SCAPER: variants seen among roughly 807,000 people sequenced by gnomAD.
The protein encoded by SCAPER is S-phase cyclin A associated protein in the ER, also known as S phase cyclin A-associated protein in the endoplasmic reticulum.
In SCAPER, 98 loss-of-function variants were observed where a neutral mutation model predicts 182.2. That is an observed-to-expected ratio of 0.54 (90% CI 0.46 to 0.64). SCAPER has a LOEUF of 0.64. Ranked by LOEUF, SCAPER falls within the 30% of genes least tolerant of loss-of-function variation. The pLI, the probability that SCAPER is intolerant of heterozygous loss-of-function variation, is 0.00. For synonymous variants in SCAPER, 605 were observed against 564.6 expected, an observed-to-expected ratio of 1.07 and a Z score of -1.01; for missense variants, 1,432 against 1,690.0, an observed-to-expected ratio of 0.85 and a Z score of 2.68.
At chr15:76,499,517 T>C (rs1428077732) in intron 24 of SCAPER, among the ~76,000 whole-genome samples, 1 of 152,208 alleles carries the variant, frequency 6.6e-6, no homozygotes, top group Non-Finnish European at 1.5e-5. Context: ...AAAGAATTCA[T>C]TCATATAGTC....
chr15:76,455,167 C>A (rs929662356), intron 25 of SCAPER, among the ~76,000 whole-genome samples: 3 of 152,128 alleles, frequency 2.0e-5, no homozygotes, highest in African/African-American at 7.2e-5. Context: ...GCATCCCAAA[C>A]ATTTTGATAT....
At chr15:76,699,856 T>C (rs1158066420) in intron 20 of SCAPER, among the ~76,000 whole-genome samples, 1 of 152,162 alleles carries the variant, frequency 6.6e-6, no homozygotes, top group Non-Finnish European at 1.5e-5. Flanking sequence ...GTGAACAGTA[T>C]TCGCACACTG....
intron 3 of SCAPER, among the ~76,000 whole-genome samples, chr15:76,858,171 G>A (rs1599141616): frequency 6.6e-6 from 1 of 152,098 alleles, no homozygotes. Context: ...CAGATACTCT[G>A]ACAACTTTTA....
chr15:76,441,589 C>T (rs2047604277), intron 25 of SCAPER, among the ~76,000 whole-genome samples: 2 of 152,144 alleles, frequency 1.3e-5, no homozygotes, highest in African/African-American at 4.8e-5. Context: ...GTCTCTTGCT[C>T]GCATTCTGGT....
intron 22 of SCAPER, among the ~76,000 whole-genome samples, chr15:76,612,890 A>G (rs2051128601): frequency 6.6e-6 from 1 of 152,202 alleles, no homozygotes; most frequent in Non-Finnish European, 1.5e-5. Context: ...TTAAACTACC[A>G]TTGATATTCT....
chr15:76,393,756 G>A (rs1020205034), intron 27 of SCAPER, among the ~76,000 whole-genome samples: 1 of 152,206 alleles, frequency 6.6e-6, no homozygotes, highest in Admixed American at 6.5e-5. Flanking sequence ...AGTCATAAAA[G>A]GTGATATGGT....
intron 24 of SCAPER, among the ~76,000 whole-genome samples, chr15:76,495,347 G>C (rs574519560): frequency 4.8e-4 from 73 of 152,196 alleles, no homozygotes; most frequent in Admixed American, 1.1e-3. Flanking sequence ...GGAGGACGAG[G>C]CAGGTGGATC....
intron 16 of SCAPER, among the ~76,000 whole-genome samples, chr15:76,730,128 A>T (rs1373656963): frequency 6.6e-6 from 1 of 152,190 alleles, no homozygotes; most frequent in Non-Finnish European, 1.5e-5. Flanking sequence ...CAGAAAAAAA[A>T]TAACAAAGCA....
At chr15:76,606,642 T>C (rs1040495538) in intron 22 of SCAPER, among the ~76,000 whole-genome samples, 1 of 151,646 alleles carries the variant, frequency 6.6e-6, no homozygotes, top group Admixed American at 6.6e-5. Context: ...TATTATTGTG[T>C]GGGAGTCTAA....
At chr15:76,779,177 T>C (rs2151373575) in intron 8 of SCAPER, among the ~76,000 whole-genome samples, 1 of 151,604 alleles carries the variant, frequency 6.6e-6, no homozygotes, top group South Asian at 2.1e-4. Context: ...ATAAAAGAAA[T>C]GAATAAGATC....
rs142782104 is a variant in SCAPER, at chr15:76,733,079, C to T, written c.2022+150G>A. The T allele has an allele frequency of 1.6e-4, 113 of 726,668 alleles. No individual in the cohort carries two copies. In the African/African-American group the frequency reaches 1.6e-3, roughly 10 times the overall value. 45.0% of individuals were successfully genotyped at this position (726,668 alleles called of 1,614,324 possible). On this transcript the variant is annotated intron_variant, in intron 16 of 31. Coordinates refer to ENST00000563290, the MANE Select transcript of SCAPER (RefSeq NM_020843.4). ...CTTGGTGGTAGTGGTCCCCCCAGGCCCAGCTGTCTTTTATTTCTTTGTCTT... is the reference window on the plus strand; with the variant it reads ...CTTGGTGGTAGTGGTCCCCCCAGGCTCAGCTGTCTTTTATTTCTTTGTCTT...
intron 22 of SCAPER, among the ~76,000 whole-genome samples, chr15:76,590,869 A>T (rs2049050923): frequency 6.6e-6 from 1 of 152,226 alleles, no homozygotes; most frequent in African/African-American, 2.4e-5. Flanking sequence ...TAAAAAATGA[A>T]ATCATGTATG....
At chr15:76,611,661 G>A (rs1289555689) in intron 22 of SCAPER, among the ~76,000 whole-genome samples, 1 of 152,022 alleles carries the variant, frequency 6.6e-6, no homozygotes, top group Non-Finnish European at 1.5e-5. Flanking sequence ...GATGAACACT[G>A]ATGTGTTCAT....
At chr15:76,434,351 C>A (rs1369595139) in intron 25 of SCAPER, 41 bp from the exon 26 acceptor site, 1 of 1,417,934 alleles carries the variant, frequency 7.1e-7, no homozygotes, top group South Asian at 1.3e-5. Flanking sequence ...TTCAATAAAA[C>A]CACCAAAAAT....
At chr15:76,584,511 T>C (rs564381092) in intron 22 of SCAPER, among the ~76,000 whole-genome samples, 8 of 151,566 alleles carry the variant, frequency 5.3e-5, no homozygotes, top group African/African-American at 2.0e-4. Context: ...TATCAAAATA[T>C]ATCATGTACC....
At chr15:76,855,157 CA>C (rs2071210674) in intron 4 of SCAPER, among the ~76,000 whole-genome samples, 1 of 151,922 alleles carries the variant, frequency 6.6e-6, no homozygotes, top group African/African-American at 2.4e-5. Context: ...TTTGACAAGA[CA>C]AAAACAAGAT....
chr15:76,369,938 G>A (rs1297005699), intron 29 of SCAPER, among the ~76,000 whole-genome samples: 1 of 152,182 alleles, frequency 6.6e-6, no homozygotes, highest in Non-Finnish European at 1.5e-5. Context: ...CAAGGTACAT[G>A]ACATCTCACC....
At chr15:76,567,456 G>T in intron 23 of SCAPER, 1 of 390,660 alleles carries the variant, frequency 2.6e-6, no homozygotes, top group Non-Finnish European at 5.2e-6. Context: ...GACAACAGCA[G>T]ACTGTTTGCT....
chr15:76,549,027 A>C (rs1463050445), intron 23 of SCAPER, among the ~76,000 whole-genome samples: 2 of 152,152 alleles, frequency 1.3e-5, no homozygotes, highest in East Asian at 3.8e-4. Context: ...AATGGGAGAA[A>C]ATTTTTGCAA....
Sources: gnomAD v4.1 joint callset for allele counts (sites outside exome capture counted in the v4.1 genomes callset) on GRCh38, gnomAD v4.1.1 for gene constraint, MANE v1.5 for transcripts, NCBI Gene and HGNC (gene_info 2026-07-23, HGNC 2026-07-21) for gene names.